The following FAM25A variants were observed in gnomAD, a reference collection of about 807,000 sequenced individuals.
FAM25A encodes protein FAM25A.
A neutral mutation model predicts 6.6 loss-of-function variants in FAM25A; 5 were observed. The ratio of observed to expected loss-of-function variants is 0.75; its 90% confidence interval spans 0.39 to 1.59. The LOEUF is 1.59. Among genes scored for constraint, FAM25A ranks in the 40% most tolerant of loss-of-function variants. The pLI, the probability that FAM25A is intolerant of heterozygous loss-of-function variation, is 0.02. For missense variants in FAM25A, 93 were observed against 109.7 expected (o/e 0.85, Z 0.68); for synonymous variants, 36 against 41.3 (o/e 0.87, Z 0.49).
rs569005297 is a variant in FAM25A, at chr10:87,022,675, C to G, written c.136+299C>G. ...GGCGCGGTGGCTCACGCCTGTAATC[C>G]CAGCCCTTTGGGAGGCTGAGGAGGG... On this transcript the variant is annotated intron_variant, in intron 2 of 2. Coordinates refer to ENST00000343959, the MANE Select transcript of FAM25A (RefSeq NM_001146157.3). Among the ~76,000 whole-genome samples, 4 of 152,292 alleles carry G rather than the reference C, an allele frequency of 2.6e-5. No homozygotes were observed. The South Asian group carries it at 8.3e-4, about 32-fold the overall frequency.
At chr10:87,022,934 A>G (rs1845343615) in intron 2 of FAM25A, among the ~76,000 whole-genome samples, 1 of 146,332 alleles carries the variant, frequency 6.8e-6, no homozygotes, top group African/African-American at 2.6e-5. Context: ...CTCAAAAAAA[A>G]AAAAAGAAAA....
At chr10:87,022,498 C>T (rs1845339003) in intron 2 of FAM25A, 122 bp downstream of exon 2, 3 of 1,188,778 alleles carry the variant, frequency 2.5e-6, no homozygotes, top group South Asian at 2.6e-5. Context: ...CCTTTCAGAG[C>T]CTCTTGGCTG....
At chr10:87,023,547 C>A (rs1046892537) in intron 2 of FAM25A, among the ~76,000 whole-genome samples, 5 of 152,092 alleles carry the variant, frequency 3.3e-5, no homozygotes, top group Admixed American at 1.3e-4. Context: ...ATGGTGAAAC[C>A]CCGTTGCTAC....
chr10:87,022,134 G>A (rs1845333079), intron 1 of FAM25A, among the ~76,000 whole-genome samples, 180 bp from the exon 2 acceptor site: 1 of 152,066 alleles, frequency 6.6e-6, no homozygotes, highest in Non-Finnish European at 1.5e-5. Flanking sequence ...GCTGGGGGTG[G>A]CATCCCAGAG....
chr10:87,022,276 C>T (rs1845335792), intron 1 of FAM25A, 38 bp from the exon 2 acceptor site: 1 of 1,547,662 alleles, frequency 6.5e-7, no homozygotes, highest in Admixed American at 2.0e-5. Context: ...AGCGGCTCTG[C>T]TCTGAGCCCT....
chr10:87,023,402 A>G (rs1411508577), intron 2 of FAM25A, among the ~76,000 whole-genome samples: 1 of 152,104 alleles, frequency 6.6e-6, no homozygotes, highest in Non-Finnish European at 1.5e-5. Context: ...CTAGGAGATA[A>G]CCATCTTAGC....
At chr10:87,021,130 G>C (rs543806921) in intron 1 of FAM25A, among the ~76,000 whole-genome samples, 1 of 152,182 alleles carries the variant, frequency 6.6e-6, no homozygotes, top group Admixed American at 6.5e-5. Flanking sequence ...ACCTGGTCCC[G>C]AAGTGTATGT....
intron 2 of FAM25A, among the ~76,000 whole-genome samples, chr10:87,024,148 T>A: frequency 8.2e-6 from 1 of 121,616 alleles, no homozygotes; most frequent in Non-Finnish European, 1.7e-5. Flanking sequence ...AAAACTGAAA[T>A]TTTCTATAGC....
intron 1 of FAM25A, among the ~76,000 whole-genome samples, chr10:87,021,393 G>T (rs970753781): frequency 6.6e-6 from 1 of 152,210 alleles, no homozygotes; most frequent in Non-Finnish European, 1.5e-5. Context: ...TTGCTAGATT[G>T]GCTGGCTCCT....
chr10:87,021,674 C>G (rs1845330590), intron 1 of FAM25A, among the ~76,000 whole-genome samples: 1 of 152,254 alleles, frequency 6.6e-6, no homozygotes, highest in Admixed American at 6.5e-5. Context: ...ATCACCCCAA[C>G]AGATTCCCAT....
At chr10:87,022,900 C>T (rs1845343007) in intron 2 of FAM25A, among the ~76,000 whole-genome samples, 1 of 145,602 alleles carries the variant, frequency 6.9e-6, no homozygotes, top group Non-Finnish European at 1.5e-5. Flanking sequence ...GCACTCCAGC[C>T]TGGGCTACAG....
At position 87,020,370 on chromosome 10, in the gene FAM25A, C is replaced by G. The variant is rs767968466; in HGVS notation, c.46C>G (p.Arg16Gly). 1.9e-6 allele frequency: 3 copies of G among 1,549,368 alleles called. No individual in the cohort carries two copies. Among genetic ancestry groups the G allele is most frequent in the Non-Finnish European group, 2.6e-6 (3 of 1,146,806 alleles). ...GCTGGCTGCCGAAGGCCTGGCCCAC[C>G]GCACCGAGAAGGCCACCGAGGGAGC... ...GKLAAEGLAH[R>G]TEKATEGAIH... Residue 16 changes from arginine to glycine, a missense_variant, in exon 1 of 3, where the codon CGC becomes GGC. By Grantham distance (125) the Arg-to-Gly change is moderately radical. Coordinates refer to ENST00000343959, the MANE Select transcript of FAM25A (RefSeq NM_001146157.3).
At chr10:87,024,057 A>T (rs1845355690) in intron 2 of FAM25A, among the ~76,000 whole-genome samples, 1 of 152,132 alleles carries the variant, frequency 6.6e-6, no homozygotes, top group African/African-American at 2.4e-5. Context: ...CTTTGGCCTA[A>T]TCTTGGAGAG....
chr10:87,023,358 G>T (rs1490741132), intron 2 of FAM25A, among the ~76,000 whole-genome samples: 1 of 152,112 alleles, frequency 6.6e-6, no homozygotes, highest in Non-Finnish European at 1.5e-5. Context: ...GTAGATGAAG[G>T]ACTTAAATTT....
chr10:87,020,606 TG>T (rs1845322066), intron 1 of FAM25A, among the ~76,000 whole-genome samples: 1 of 152,162 alleles, frequency 6.6e-6, no homozygotes, highest in South Asian at 2.1e-4. Flanking sequence ...GTCCTGGTGC[TG>T]GGTGAACACT....
chr10:87,022,947 A>T (rs1845343817), intron 2 of FAM25A, among the ~76,000 whole-genome samples: 1 of 144,544 alleles, frequency 6.9e-6, no homozygotes. Flanking sequence ...AAAGAAAAAA[A>T]AAATTGCTGG....
intron 1 of FAM25A, 22 bp from the exon 2 acceptor site, chr10:87,022,292 T>G (rs1362628614): frequency 6.5e-7 from 1 of 1,548,748 alleles, no homozygotes; most frequent in Non-Finnish European, 8.7e-7. Flanking sequence ...GCCCTCACCC[T>G]GGACTTGTCT....
chr10:87,020,595 A>G (rs1198745660), intron 1 of FAM25A, among the ~76,000 whole-genome samples, 198 bp downstream of exon 1: 1 of 152,152 alleles, frequency 6.6e-6, no homozygotes, highest in Non-Finnish European at 1.5e-5. Context: ...GCAGGGCATG[A>G]GTCCTGGTGC....
chr10:87,022,227 GTGGGCCTGCTCTGAGCCCT>G (rs1845333658), intron 1 of FAM25A, 68 bp from the exon 2 acceptor site: 1 of 1,497,506 alleles, frequency 6.7e-7, no homozygotes, highest in African/African-American at 1.4e-5. Context: ...TGGGAGGGCA[GTGGGCCTGCTCTGAGCCCT>G]CACCCTGGAC....
Sources: gnomAD v4.1 joint callset for allele counts (sites outside exome capture counted in the v4.1 genomes callset) on GRCh38, gnomAD v4.1.1 for gene constraint, MANE v1.5 for transcripts, NCBI Gene and HGNC (gene_info 2026-07-23, HGNC 2026-07-21) for gene names.